The following MGA variants were observed in gnomAD, a reference collection of about 807,000 sequenced individuals.
MGA encodes MAX gene-associated protein.
A neutral mutation model predicts 261.1 loss-of-function variants in MGA; 40 were observed. That is an observed-to-expected ratio of 0.15 (90% CI 0.12 to 0.20). The LOEUF is 0.20. Ranked by LOEUF, MGA falls within the 10% of genes least tolerant of loss-of-function variation. The pLI, the probability that MGA is intolerant of heterozygous loss-of-function variation, is 1.00. For synonymous variants in MGA, 1,302 were observed against 1,290.6 expected (o/e 1.01, Z -0.19); for missense variants, 3,397 against 3,630.5 (o/e 0.94, Z 1.65).
At chr15:41,746,544 CAAAAAAAAAAAAA>C (rs869061461) in intron 15 of MGA, among the ~76,000 whole-genome samples, 3 of 61,854 alleles carry the variant, frequency 4.9e-5, no homozygotes, top group African/African-American at 1.2e-4. Flanking sequence ...GACTTCGTCT[CAAAAAAAAAAAAA>C]AAAAAAAAAA....
At chr15:41,687,591 C>T (rs1234298534) in intron 2 of MGA, among the ~76,000 whole-genome samples, 3 of 152,104 alleles carry the variant, frequency 2.0e-5, no homozygotes. Context: ...ATTCGTTTGA[C>T]TCTTGAGCAC....
At chr15:41,749,070 C>A in intron 16 of MGA, 41 bp from the exon 17 acceptor site, 1 of 1,574,534 alleles carries the variant, frequency 6.4e-7, no homozygotes, top group Non-Finnish European at 8.6e-7. Context: ...TTGATATGGG[C>A]AGTCATGATT....
intron 1 of MGA, among the ~76,000 whole-genome samples, chr15:41,631,746 A>G (rs1037260146): frequency 1.3e-5 from 2 of 152,182 alleles, no homozygotes; most frequent in African/African-American, 4.8e-5. Flanking sequence ...AAAGGCAACC[A>G]ACTGAACAGA....
At chr15:41,701,783 C>T (rs2151375183) in intron 5 of MGA, among the ~76,000 whole-genome samples, 1 of 152,318 alleles carries the variant, frequency 6.6e-6, no homozygotes, top group Admixed American at 6.5e-5. Flanking sequence ...CAAAAGGTGT[C>T]TGAGCTATTA....
At chr15:41,748,364 C>G (rs1328554392) in intron 15 of MGA, among the ~76,000 whole-genome samples, 1 of 152,176 alleles carries the variant, frequency 6.6e-6, no homozygotes, top group African/African-American at 2.4e-5. Flanking sequence ...ACCAGCCTCA[C>G]CAACATGGTG....
Position 41,749,694 on chromosome 15 carries a change from T to C in MGA, c.6087T>C (p.Gly2029=). 6.2e-7 allele frequency: 1 copy of C among 1,613,952 alleles called. No homozygotes were observed. The highest frequency in any genetic ancestry group is 1.1e-5 in the South Asian group (1 of 91,068). The change falls in exon 17 of 24, where the codon GGT becomes GGC. Residue 2029 remains glycine (G), a synonymous_variant. Coordinates refer to ENST00000219905, the MANE Select transcript of MGA (RefSeq NM_001164273.2). ...TGAATGATTCCTTGGAAGATAGGGG[T>C]GATCATTTGGATGAAGAATGCCTTC...
intron 2 of MGA, among the ~76,000 whole-genome samples, chr15:41,682,232 T>C (rs2058721517): frequency 6.6e-6 from 1 of 151,990 alleles, no homozygotes; most frequent in South Asian, 2.1e-4. Context: ...CTACATTATT[T>C]AATAAAATCT....
At chr15:41,663,751 G>T (rs2057559430) in intron 1 of MGA, among the ~76,000 whole-genome samples, 2 of 151,988 alleles carry the variant, frequency 1.3e-5, no homozygotes, top group African/African-American at 2.4e-5. Flanking sequence ...GATTACAAGC[G>T]CGAGCCACCG....
chr15:41,767,758 A>G lies in MGA; in HGVS notation c.*478A>G, dbSNP rs2063870993. On this transcript the variant is annotated 3_prime_UTR_variant, in exon 24 of 24. Coordinates refer to ENST00000219905, the MANE Select transcript of MGA (RefSeq NM_001164273.2). Reference sequence around the variant, plus strand: ...GAGACACTTTTTAGTTGATGTTTCAAGAATAGGGAGAGAGAGGATGGGTAC... The same window carrying G: ...GAGACACTTTTTAGTTGATGTTTCAGGAATAGGGAGAGAGAGGATGGGTAC... 6.3e-6 allele frequency: 1 copy of G among 158,886 alleles called. No individual in the cohort carries two copies. Among genetic ancestry groups the G allele is most frequent in the Admixed American group, 6.0e-5 (1 of 16,728 alleles). The allele number at this position is 158,886 out of a possible 1,614,324, so 9.8% of individuals were successfully genotyped here.
chr15:41,648,567 C>G (rs769230081), intron 1 of MGA, among the ~76,000 whole-genome samples: 2 of 152,058 alleles, frequency 1.3e-5, no homozygotes, highest in African/African-American at 4.8e-5. Flanking sequence ...TTTAGACAAA[C>G]TGGTAGGATG....
intron 22 of MGA, among the ~76,000 whole-genome samples, chr15:41,764,241 C>CT (rs2063668988): frequency 6.9e-6 from 1 of 144,790 alleles, no homozygotes; most frequent in Non-Finnish European, 1.5e-5. Flanking sequence ...CAAAAAAAAT[C>CT]TGGTGTGGGT....
At chr15:41,687,261 G>T (rs1333551883) in intron 2 of MGA, among the ~76,000 whole-genome samples, 1 of 152,028 alleles carries the variant, frequency 6.6e-6, no homozygotes, top group Non-Finnish European at 1.5e-5. Context: ...TTTTTACTTG[G>T]CTTGTAAGCT....
intron 10 of MGA, among the ~76,000 whole-genome samples, 174 bp from the exon 11 acceptor site, chr15:41,728,990 T>C (rs1300146717): frequency 6.6e-6 from 1 of 152,230 alleles, no homozygotes; most frequent in Non-Finnish European, 1.5e-5. Context: ...GGATCCTTTC[T>C]GACTGCCCTA....
intron 19 of MGA, among the ~76,000 whole-genome samples, chr15:41,759,705 C>T (rs915956318): frequency 6.6e-6 from 1 of 151,948 alleles, no homozygotes; most frequent in African/African-American, 2.4e-5. Context: ...GAAGGACTTT[C>T]CTGAAAAAGT....
intron 11 of MGA, among the ~76,000 whole-genome samples, chr15:41,733,209 C>T (rs1244297821): frequency 4.6e-5 from 7 of 152,218 alleles, no homozygotes; most frequent in South Asian, 2.1e-4. Context: ...CCACCCACCT[C>T]GGCCTCCCAA....
chr15:41,707,825 T>A lies in MGA; in HGVS notation c.2286T>A (p.Phe762Leu). 2.5e-6 allele frequency: 4 copies of A among 1,613,942 alleles called. No individual in the cohort carries two copies. Among genetic ancestry groups the A allele is most frequent in the Non-Finnish European group, 3.4e-6 (4 of 1,179,844 alleles). The change falls in exon 6 of 24, where the codon TTT becomes TTA. Residue 762 changes from phenylalanine to leucine, a missense_variant. Coordinates refer to ENST00000219905, the MANE Select transcript of MGA (RefSeq NM_001164273.2). ...TGGCTCCAGCTACTAGCTTTCCTTT[T>A]TGGAACCTTACAGGAACCAACCCTG...
chr15:41,760,213 A>C, intron 19 of MGA, 110 bp from the exon 20 acceptor site: 1 of 983,542 alleles, frequency 1.0e-6, no homozygotes, highest in East Asian at 2.4e-5. Context: ...CTGTTACAAC[A>C]GTCCAGACAA....
chr15:41,670,714 G>A (rs1595642148), intron 2 of MGA, among the ~76,000 whole-genome samples: 1 of 152,052 alleles, frequency 6.6e-6, no homozygotes, highest in Non-Finnish European at 1.5e-5. Context: ...CACTGTGTTA[G>A]CCAGGATGGT....
At position 41,688,652 on chromosome 15, in the gene MGA, C is replaced by T. The variant is rs578195808; in HGVS notation, c.1065-7423C>T. On this transcript the variant is annotated intron_variant, in intron 2 of 23. Coordinates refer to ENST00000219905, the MANE Select transcript of MGA (RefSeq NM_001164273.2). ...TGTCATCTTGCTATTTCCTGCTTCT[C>T]TTATCTGTTTATCTTTCCCTGTTTT... Among the ~76,000 whole-genome samples, 50 of 142,550 alleles carry T rather than the reference C, an allele frequency of 3.5e-4. No homozygotes were observed. In the South Asian group the frequency reaches 0.011, roughly 33 times the overall value. The allele number at this position is 142,550 out of a possible 152,430, so 93.5% of individuals were successfully genotyped here. A position where few individuals can be genotyped will look rare whatever the true frequency, so the allele number is the denominator to read the frequency against.
Sources: gnomAD v4.1 joint callset for allele counts (sites outside exome capture counted in the v4.1 genomes callset) on GRCh38, gnomAD v4.1.1 for gene constraint, MANE v1.5 for transcripts, NCBI Gene and HGNC (gene_info 2026-07-23, HGNC 2026-07-21) for gene names.